Variants in PFKFB3 observed in about 807,000 individuals in gnomAD.
The protein encoded by PFKFB3 is 6-phosphofructo-2-kinase/fructose-2,6-bisphosphatase 3.
PFKFB3 carries 33 observed loss-of-function variants against 68.0 expected under a neutral mutation model. That is an observed-to-expected ratio of 0.49 (90% CI 0.37 to 0.65). The LOEUF is 0.65. PFKFB3 is among the 30% of genes least tolerant of loss of function. The probability of loss-of-function intolerance (pLI) is 0.00; values close to 1 mark genes in which losing one functional copy is unlikely to be tolerated. For synonymous variants in PFKFB3, 315 were observed against 288.2 expected, an observed-to-expected ratio of 1.09 and a Z score of -0.94; for missense variants, 586 against 712.2, an observed-to-expected ratio of 0.82 and a Z score of 2.02.
chr10:6,165,886 C>T (rs1049816258), intron 1 of PFKFB3, among the ~76,000 whole-genome samples: 1 of 151,762 alleles, frequency 6.6e-6, no homozygotes, highest in Non-Finnish European at 1.5e-5. Context: ...GCTATCTCCG[C>T]TCACTGCAAC....
chr10:6,171,722 A>G (rs1026010721), intron 1 of PFKFB3, among the ~76,000 whole-genome samples: 3 of 152,254 alleles, frequency 2.0e-5, no homozygotes, highest in Non-Finnish European at 2.9e-5. Context: ...TGAAATTTCT[A>G]TCATGTACAT....
At chr10:6,197,865 T>C (rs1843216714) in intron 1 of PFKFB3, 1 of 152,340 alleles carries the variant, frequency 6.6e-6, no homozygotes, top group East Asian at 1.9e-4. Flanking sequence ...ATATTTTACA[T>C]AGGAATCTTA....
rs1843456424 is a variant in PFKFB3 at position 6,203,268 on chromosome 10, T to A, written c.8T>A (p.Leu3Ter). 1 of 1,609,930 alleles carries A rather than the reference T, an allele frequency of 6.2e-7. No homozygotes were observed. The highest frequency in any genetic ancestry group is 8.5e-7 in the Non-Finnish European group (1 of 1,178,360). The change falls in exon 1 of 15, where the codon TTG (leucine) becomes TAG (stop). Residue 3 changes from leucine (L) to a stop codon, truncating the protein, a stop_gained. Coordinates refer to ENST00000379775, the MANE Select transcript of PFKFB3 (RefSeq NM_004566.4). LOFTEE classifies it high-confidence loss of function. Reference sequence around the variant, plus strand: ...TCGGGCGCAGCCGCGAAGATGCCGTTGGAACTGACGCAGAGCCGAGTGCAG... The same window carrying A: ...TCGGGCGCAGCCGCGAAGATGCCGTAGGAACTGACGCAGAGCCGAGTGCAG... The part of the protein sequence containing the change: MP[L>*]ELTQSRVQKI...
At chr10:6,183,066 C>G (rs1345117319) in intron 1 of PFKFB3, among the ~76,000 whole-genome samples, 1 of 152,082 alleles carries the variant, frequency 6.6e-6, no homozygotes, top group Non-Finnish European at 1.5e-5. Context: ...GAGACTTGGT[C>G]CTTCTGTGTC....
At chr10:6,324,154 T>G in the PFKFB3 span, among the ~76,000 whole-genome samples, 2 of 152,196 alleles carry the variant, frequency 1.3e-5, no homozygotes, top group Non-Finnish European at 2.9e-5. Context: ...TTCTGACACA[T>G]GCTACAACAT....
chr10:6,319,800 A>G, the PFKFB3 span, among the ~76,000 whole-genome samples: 2 of 152,264 alleles, frequency 1.3e-5, no homozygotes, highest in African/African-American at 4.8e-5. Context: ...GATACATTCT[A>G]TTATCTTTCT....
the PFKFB3 span, among the ~76,000 whole-genome samples, chr10:6,262,410 A>G: frequency 2.8e-4 from 40 of 144,130 alleles, no homozygotes; most frequent in South Asian, 6.5e-4. Context: ...AGCAGAGATC[A>G]CACCACTGCA....
chr10:6,291,859 G>A, the PFKFB3 span, among the ~76,000 whole-genome samples: 1 of 151,452 alleles, frequency 6.6e-6, no homozygotes, highest in African/African-American at 2.4e-5. Flanking sequence ...CACATTAAGT[G>A]AAGGTAGTTA....
At chr10:6,299,912 T>C in the PFKFB3 span, among the ~76,000 whole-genome samples, 1 of 151,926 alleles carries the variant, frequency 6.6e-6, no homozygotes, top group Non-Finnish European at 1.5e-5. Context: ...AAGGCGTCGA[T>C]TTGGACTTTC....
At chr10:6,164,846 A>C (rs1842080026) in intron 1 of PFKFB3, among the ~76,000 whole-genome samples, 1 of 152,114 alleles carries the variant, frequency 6.6e-6, no homozygotes, top group African/African-American at 2.4e-5. Flanking sequence ...AGAGTAACAG[A>C]GCAGTATTGC....
rs1341498599 is a variant in PFKFB3 at position 6,203,154 on chromosome 10, C to T, written c.-107C>T. ...GCGCAGGAAACGCCCGGCCGCGCGC[C>T]GGCGCACGCCCCCCTCTCCTCCTTT... On this transcript the variant is annotated 5_prime_UTR_variant, in exon 1 of 15. Coordinates refer to ENST00000379775, the MANE Select transcript of PFKFB3 (RefSeq NM_004566.4). 6 of 1,506,322 alleles carry T rather than the reference C, an allele frequency of 4.0e-6. No individual in the cohort carries two copies. Among genetic ancestry groups the T allele is most frequent in the Non-Finnish European group, 5.3e-6 (6 of 1,130,346 alleles). The allele number at this position is 1,506,322 out of a possible 1,614,324, so 93.3% of individuals were successfully genotyped here.
chr10:6,254,148 C>A, intron 14 of PFKFB3: 1 of 380,480 alleles, frequency 2.6e-6, no homozygotes, highest in Non-Finnish European at 4.5e-6. Context: ...TCCACTCAAT[C>A]TAATCCACAA....
chr10:6,251,421 G>C lies in PFKFB3; in HGVS notation c.1516-2757G>C, dbSNP rs187563324. 1.3e-3 allele frequency among the ~76,000 whole-genome samples: 196 copies of C among 152,274 alleles called. 1 individual carries two copies. The highest frequency in any genetic ancestry group is 4.2e-3 in the African/African-American group (176 of 41,572). The stretch of plus-strand genomic sequence containing the variant: ...ATAGCTTTTTGAAAAATATGTCTTT[G>C]TTAGCTTATCCAGTTTCCTTTTTCT... On this transcript the variant is annotated intron_variant, in intron 14 of 14. Coordinates refer to the PFKFB3 transcript ENST00000640683.
At position 6,228,086 on chromosome 10, in the gene PFKFB3, A is replaced by G. The variant is rs1191555279; in HGVS notation, c.1515+1721A>G. ...AGTCCTTCAGGGTGGCCAGGTTCTT[A>G]GGGACGTCTGAAGCTGCTGGCTGGG... On this transcript the variant is annotated intron_variant, in intron 14 of 14. Transcript: ENST00000379775. The surrounding 1 kb of genome is among the most constrained non-coding windows in gnomAD (Gnocchi z 4.5). 2.5e-6 allele frequency: 3 copies of G among 1,191,612 alleles called. No individual in the cohort carries two copies. The highest frequency in any genetic ancestry group is 3.0e-5 in the African/African-American group (2 of 66,672). 73.8% of individuals were successfully genotyped at this position (1,191,612 alleles called of 1,614,324 possible).
the PFKFB3 span, among the ~76,000 whole-genome samples, chr10:6,263,754 C>T: frequency 1.2e-4 from 19 of 152,284 alleles, 2 homozygotes; most frequent in Admixed American, 6.5e-4. Flanking sequence ...GGTGCAATCT[C>T]GGCTCACTGC....
In PFKFB3 at chr10:6,223,971, C is replaced by T. The variant is rs780936222; in HGVS notation, c.1227C>T (p.Tyr409=). ...FLDKSAEEMP[Y]LKCPLHTVLK... Reference sequence around the variant, plus strand: ...TTTCAATTTCAGAGGAGATGCCCTACCTGAAATGCCCTCTTCACACCGTCC... The same window carrying T: ...TTTCAATTTCAGAGGAGATGCCCTATCTGAAATGCCCTCTTCACACCGTCC... The change falls in exon 12 of 15, where the codon TAC becomes TAT. Residue 409 remains tyrosine (Y), a synonymous_variant. Coordinates refer to ENST00000379775, the MANE Select transcript of PFKFB3 (RefSeq NM_004566.4). 1 of 1,614,016 alleles carries T rather than the reference C, an allele frequency of 6.2e-7. No homozygotes were observed. The highest frequency in any genetic ancestry group is 1.1e-5 in the South Asian group (1 of 91,076).
Position 6,234,952 on chromosome 10 carries a change from T to C in PFKFB3, c.*2010T>C, listed in dbSNP as rs1845946065. ...TGAATCTGGACAGGGAGGGAGATAC[T>C]ATAGAAAGGAGAACACTGCCTACTT... On this transcript the variant is annotated 3_prime_UTR_variant, in exon 15 of 15. Transcript: ENST00000379775. 1.4e-5 allele frequency: 2 copies of C among 146,060 alleles called. No individual in the cohort carries two copies. The highest frequency in any genetic ancestry group is 1.5e-4 in the Admixed American group (2 of 13,778). The allele number at this position is 146,060 out of a possible 1,614,324, so 9.0% of individuals were successfully genotyped here.
chr10:6,208,483 T>G (rs1217935453), intron 1 of PFKFB3, among the ~76,000 whole-genome samples: 1 of 149,178 alleles, frequency 6.7e-6, no homozygotes, highest in African/African-American at 2.4e-5. Flanking sequence ...GAAGAAAGGT[T>G]GATGTGGCAC....
At chr10:6,238,738 G>A (rs1846079630), downstream of PFKFB3, among the ~76,000 whole-genome samples, 1 of 151,966 alleles carries the variant, frequency 6.6e-6, no homozygotes, top group Non-Finnish European at 1.5e-5. Flanking sequence ...CCCTCTGATA[G>A]GCCCCAGTGT....
Sources: allele counts gnomAD v4.1 joint callset (sites outside exome capture counted in the v4.1 genomes callset), GRCh38; gene constraint gnomAD v4.1.1; non-coding constraint Gnocchi (gnomAD v3.1); transcripts MANE v1.5; gene names NCBI Gene and HGNC (gene_info 2026-07-23, HGNC 2026-07-21).